Variants in FAAH2 observed in about 807,000 individuals in gnomAD.
The protein encoded by FAAH2 is fatty-acid amide hydrolase 2.
FAAH2 carries 60 observed loss-of-function variants against 36.9 expected under a neutral mutation model. The observed-to-expected ratio is 1.63, with a 90% CI of 1.32 to 2.02. The LOEUF is 2.02. Among genes scored for constraint, FAAH2 ranks in the 30% most tolerant of loss-of-function variants. The pLI is 0.00. For missense variants in FAAH2, 689 were observed against 397.5 expected (o/e 1.73, Z -6.23); for synonymous variants, 214 against 143.8 (o/e 1.49, Z -3.49).
At chrX:57,216,598 GTATATATATACGTATATATATATACGTA>G in the FAAH2 span, among the ~76,000 whole-genome samples, 2 of 4,691 alleles carry the variant, frequency 4.3e-4, no homozygotes, top group Non-Finnish European at 6.0e-4. Flanking sequence ...GTATATATAT[GTATATATATACGTATATATATATACGTA>G]TATATATATA....
chrX:57,324,897 AG>A (rs1321186715), intron 3 of FAAH2, among the ~76,000 whole-genome samples: 1 of 112,077 alleles, frequency 8.9e-6, no homozygotes, highest in Non-Finnish European at 1.9e-5. Flanking sequence ...GTGGTGAGAG[AG>A]GACATCCCTG....
intron 10 of FAAH2, among the ~76,000 whole-genome samples, chrX:57,478,970 G>T (rs2057324577): frequency 9.0e-6 from 1 of 111,440 alleles, no homozygotes; most frequent in Non-Finnish European, 1.9e-5. Flanking sequence ...TGGCAATGTG[G>T]GCTCTTTTTT....
chrX:57,263,836 G>C, the FAAH2 span, among the ~76,000 whole-genome samples: 1 of 111,528 alleles, frequency 9.0e-6, no homozygotes, highest in African/African-American at 3.2e-5. Flanking sequence ...TGTGGTATTG[G>C]AGGAAGGACA....
intron 1 of FAAH2, among the ~76,000 whole-genome samples, chrX:57,290,640 TA>T (rs1288100563): frequency 2.7e-5 from 3 of 111,747 alleles, no homozygotes; most frequent in Non-Finnish European, 5.6e-5. Flanking sequence ...TTCATCTTTT[TA>T]TACTGGTTTT....
intron 7 of FAAH2, chrX:57,381,544 TAC>T: frequency 1.5e-6 from 1 of 683,220 alleles, no homozygotes; most frequent in Non-Finnish European, 1.7e-6. Context: ...GTAATAATAA[TAC>T]AGCTTATTAC....
chrX:57,409,512 C>T (rs1466253258), intron 7 of FAAH2, among the ~76,000 whole-genome samples: 1 of 111,049 alleles, frequency 9.0e-6, no homozygotes, highest in East Asian at 2.8e-4. Flanking sequence ...GTGAAACCAT[C>T]AGGTTCTGGG....
chrX:57,349,729 TA>T (rs1027016631), intron 5 of FAAH2, among the ~76,000 whole-genome samples: 1 of 108,143 alleles, frequency 9.2e-6, no homozygotes, highest in African/African-American at 3.3e-5. Context: ...AACAAAGAAT[TA>T]AAAAAAACCA....
chrX:57,258,942 AT>A, the FAAH2 span, among the ~76,000 whole-genome samples: 2 of 107,954 alleles, frequency 1.9e-5, no homozygotes, highest in African/African-American at 6.8e-5. Context: ...GGATGGTCTC[AT>A]CTCCTGACCT....
intron 7 of FAAH2, among the ~76,000 whole-genome samples, chrX:57,406,130 T>C (rs896615988): frequency 6.3e-5 from 7 of 111,711 alleles, no homozygotes; most frequent in African/African-American, 2.3e-4. Flanking sequence ...GTGGTTTGAC[T>C]GTAATGGATG....
intron 5 of FAAH2, among the ~76,000 whole-genome samples, chrX:57,367,039 C>T (rs184215854): frequency 7.1e-5 from 8 of 112,339 alleles, no homozygotes; most frequent in Non-Finnish European, 1.3e-4. Flanking sequence ...CTCAGGTGTA[C>T]GTGGTGGTTG....
intron 10 of FAAH2, among the ~76,000 whole-genome samples, chrX:57,471,938 A>C (rs2057176307): frequency 9.0e-6 from 1 of 111,226 alleles, no homozygotes; most frequent in Non-Finnish European, 1.9e-5. Context: ...AAATAATACC[A>C]CACATCTACA....
At chrX:57,333,376 T>C (rs1409447310) in intron 4 of FAAH2, among the ~76,000 whole-genome samples, 1 of 111,579 alleles carries the variant, frequency 9.0e-6, no homozygotes, top group Non-Finnish European at 1.9e-5. Flanking sequence ...AAAACAATTA[T>C]AAGGCATACT....
intron 7 of FAAH2, among the ~76,000 whole-genome samples, chrX:57,384,689 G>C (rs1344917879): frequency 9.0e-6 from 1 of 111,155 alleles, no homozygotes; most frequent in Admixed American, 9.5e-5. Context: ...GTGCTGGAGA[G>C]GATGTGGAGA....
At chrX:57,126,109 A>G in the FAAH2 span, among the ~76,000 whole-genome samples, 1 of 112,457 alleles carries the variant, frequency 8.9e-6, no homozygotes, top group East Asian at 2.8e-4. Context: ...AAGTTCAAAA[A>G]CAATCATTAA....
intron 1 of FAAH2, among the ~76,000 whole-genome samples, chrX:57,291,090 C>A (rs2051965184): frequency 8.9e-6 from 1 of 111,738 alleles, no homozygotes; most frequent in Admixed American, 9.5e-5. Context: ...AGAACATATT[C>A]TTGATGGAGT....
At chrX:57,422,233 A>G (rs750454759) in intron 7 of FAAH2, among the ~76,000 whole-genome samples, 1 of 112,113 alleles carries the variant, frequency 8.9e-6, no homozygotes, top group African/African-American at 3.2e-5. Flanking sequence ...TCCAGGATCC[A>G]TCTGTTTTCT....
At chrX:57,432,461 G>T (rs935513999) in intron 8 of FAAH2, among the ~76,000 whole-genome samples, 1 of 111,614 alleles carries the variant, frequency 9.0e-6, no homozygotes, top group Non-Finnish European at 1.9e-5. Flanking sequence ...AAGTGATTAG[G>T]TAACTTCAGT....
chrX:57,416,204 T>C (rs925124674), intron 7 of FAAH2, among the ~76,000 whole-genome samples: 1 of 111,709 alleles, frequency 9.0e-6, no homozygotes, highest in Admixed American at 9.5e-5. Flanking sequence ...TGTCTTTTAA[T>C]TGGGACACTT....
At chrX:57,173,733 G>A in the FAAH2 span, among the ~76,000 whole-genome samples, 1 of 111,393 alleles carries the variant, frequency 9.0e-6, no homozygotes, top group Admixed American at 9.5e-5. Context: ...ATATTTTGAG[G>A]TATATTTCTT....
Sources: gnomAD v4.1 joint callset for allele counts (sites outside exome capture counted in the v4.1 genomes callset) on GRCh38, gnomAD v4.1.1 for gene constraint, MANE v1.5 for transcripts, NCBI Gene and HGNC (gene_info 2026-07-23, HGNC 2026-07-21) for gene names.